The following GNL3L variants were observed in gnomAD, a reference collection of about 807,000 sequenced individuals.
The protein encoded by GNL3L is G protein nucleolar 3 like.
Under a neutral mutation model 42.9 loss-of-function variants are expected in GNL3L, and 4 were observed. The observed-to-expected ratio is 0.09, with a 90% CI of 0.05 to 0.21. The LOEUF (loss-of-function observed/expected upper bound fraction) is 0.21, where lower values mean the gene tolerates loss of function less well. Ranked by LOEUF, GNL3L falls within the 10% of genes least tolerant of loss-of-function variation. The pLI, the probability that GNL3L is intolerant of heterozygous loss-of-function variation, is 1.00. For synonymous variants in GNL3L, 159 were observed against 176.3 expected (o/e 0.90, Z 0.78); for missense variants, 412 against 481.7 (o/e 0.86, Z 1.36).
the GNL3L span, among the ~76,000 whole-genome samples, chrX:54,643,511 G>A: frequency 9.1e-6 from 1 of 109,973 alleles, no homozygotes; most frequent in African/African-American, 3.3e-5. Flanking sequence ...GGTTGTACAT[G>A]CCTATGGGTT....
chrX:54,542,896 C>G (rs1924666254), intron 5 of GNL3L, 59 bp from the exon 6 acceptor site: 2 of 710,849 alleles, frequency 2.8e-6, no homozygotes, highest in African/African-American at 2.1e-5. Flanking sequence ...AGCCCTGCTT[C>G]TCTTTCTCGC....
Position 54,540,261 on chromosome X carries a change from T to G in GNL3L, c.189+19T>G, listed in dbSNP as rs754037145. 7.7e-6 allele frequency: 8 copies of G among 1,038,940 alleles called. No individual in the cohort carries two copies. In the African/African-American group the frequency reaches 9.3e-5, roughly 12 times the overall value. The allele number at this position is 1,038,940 out of a possible 1,213,427, so 85.6% of individuals were successfully genotyped here. ...GAAGTGGGTAAGCTTTTTGCCTTGGTGGGGAGAGAGAGGGCCTGCCTTGAA... is the reference window on the plus strand; with the variant it reads ...GAAGTGGGTAAGCTTTTTGCCTTGGGGGGGAGAGAGAGGGCCTGCCTTGAA... On this transcript the variant is annotated intron_variant, in intron 4 of 15. Coordinates refer to ENST00000360845, the MANE Select transcript of GNL3L (RefSeq NM_001184819.2).
chrX:54,548,195 T>C (rs778439686), intron 8 of GNL3L, 34 bp from the exon 9 acceptor site: 2 of 1,176,013 alleles, frequency 1.7e-6, no homozygotes, highest in Non-Finnish European at 2.3e-6. Flanking sequence ...TGCCACCTGA[T>C]GTCTCTTCTG....
intron 14 of GNL3L, among the ~76,000 whole-genome samples, chrX:54,555,708 T>G (rs1925077104): frequency 1.1e-5 from 1 of 94,636 alleles, no homozygotes; most frequent in South Asian, 5.5e-4. Context: ...CTTGAGCTCC[T>G]GACCTCAGGT....
intron 9 of GNL3L, among the ~76,000 whole-genome samples, chrX:54,549,600 G>A (rs991259059): frequency 6.2e-5 from 7 of 112,459 alleles, no homozygotes; most frequent in Non-Finnish European, 1.3e-4. Context: ...TCGGGAGGCC[G>A]AGGCAGGAGA....
rs567172499 is a variant in GNL3L, at chrX:54,564,402, C to CTTTTTTTTTTTTTT, written c.*3807_*3820dup. Among the ~76,000 whole-genome samples the CTTTTTTTTTTTTTT allele has an allele frequency of 5.6e-4, 45 of 80,791 alleles. No individual in the cohort carries two copies. Among genetic ancestry groups the CTTTTTTTTTTTTTT allele is most frequent in the African/African-American group, 2.2e-3 (45 of 20,074 alleles). 70.2% of individuals were successfully genotyped at this position (80,791 alleles called of 115,157 possible). ...AGTCACTGGTTTTTTTCTTCGTTCTCTTTTTTTTTTTTTTTTTTTTGAGAC... is the reference window on the plus strand; with the variant it reads ...AGTCACTGGTTTTTTTCTTCGTTCTCTTTTTTTTTTTTTTTTTTTTTTTTTTTTTTTTTTGAGAC... On this transcript the variant is annotated 3_prime_UTR_variant, in exon 16 of 16. Coordinates refer to ENST00000360845, the MANE Select transcript of GNL3L (RefSeq NM_001184819.2).
At chrX:54,554,062 G>A (rs753507994) in intron 13 of GNL3L, among the ~76,000 whole-genome samples, 1 of 111,090 alleles carries the variant, frequency 9.0e-6, no homozygotes, top group African/African-American at 3.3e-5. Context: ...ATCTTGAAGG[G>A]TGAGTAGGGA....
chrX:54,616,582 T>C (rs188452089), intron 16 of GNL3L, among the ~76,000 whole-genome samples: 110 of 112,085 alleles, frequency 9.8e-4, no homozygotes, highest in Non-Finnish European at 1.6e-3. Flanking sequence ...TTTTAGTTTT[T>C]TCCCCCCCTG....
chrX:54,542,906 C>T (rs1569542014), intron 5 of GNL3L, 49 bp from the exon 6 acceptor site: 5 of 791,526 alleles, frequency 6.3e-6, no homozygotes, highest in African/African-American at 4.1e-5. Flanking sequence ...CTCTTTCTCG[C>T]TCTCTCCCCC....
chrX:54,580,219 A>C (rs1222601930), intron 16 of GNL3L, among the ~76,000 whole-genome samples: 4 of 88,643 alleles, frequency 4.5e-5, no homozygotes, highest in African/African-American at 1.8e-4. Flanking sequence ...TCATTGTTCA[A>C]TTCCCACCTA....
chrX:54,644,561 A>C, the GNL3L span, among the ~76,000 whole-genome samples: 2 of 112,058 alleles, frequency 1.8e-5, no homozygotes, highest in Non-Finnish European at 3.8e-5. Flanking sequence ...ACCTTTATCA[A>C]ATATGGAGTT....
At position 54,551,646 on chromosome X, in the gene GNL3L, G is replaced by T. The variant is rs756340669; in HGVS notation, c.942G>T (p.Glu314Asp). Reference sequence around the variant, plus strand: ...GCATTGTCCCAGGGCCCAACTCAGAGGTGGGCACCATCCTGCGTAACTGCG... The same window carrying T: ...GCATTGTCCCAGGGCCCAACTCAGATGTGGGCACCATCCTGCGTAACTGCG... The part of the protein sequence containing the change: ...APGIVPGPNS[E>D]VGTILRNCVH... The change falls in exon 11 of 16, where the codon GAG (glutamate) becomes GAT (aspartate). Residue 314 changes from glutamate (E) to aspartate (D), a missense_variant. By Grantham distance (45) the Glu-to-Asp change is conservative (BLOSUM62 2). Transcript: ENST00000360845. 8.3e-7 allele frequency: 1 copy of T among 1,210,675 alleles called. No individual in the cohort carries two copies. The highest frequency in any genetic ancestry group is 1.1e-6 in the Non-Finnish European group (1 of 894,350).
intron 16 of GNL3L, among the ~76,000 whole-genome samples, chrX:54,618,631 T>A (rs1225717199): frequency 9.0e-6 from 1 of 111,466 alleles, no homozygotes; most frequent in African/African-American, 3.3e-5. Flanking sequence ...GCATGGTGGC[T>A]CATACCTGTA....
At position 54,601,886 on chromosome X, in the gene GNL3L, A is replaced by T. The variant is rs183612212; in HGVS notation, c.*46-18959A>T. On this transcript the variant is annotated intron_variant, in intron 16 of 16. Coordinates refer to the GNL3L transcript ENST00000674498. ...GTTTATTCAGTGTAGTGCCTTTGAGATTCATTGAAGTTGGTTTGTGTATCA... is the reference window on the plus strand; with the variant it reads ...GTTTATTCAGTGTAGTGCCTTTGAGTTTCATTGAAGTTGGTTTGTGTATCA... Among the ~76,000 whole-genome samples, 316 of 112,184 alleles carry T rather than the reference A, an allele frequency of 2.8e-3. 1 individual carries two copies. Among genetic ancestry groups the T allele is most frequent in the African/African-American group, 9.7e-3 (300 of 30,967 alleles).
Position 54,566,067 on chromosome X carries a change from C to G in GNL3L, c.*5465C>G, listed in dbSNP as rs185166202. On this transcript the variant is annotated 3_prime_UTR_variant, in exon 16 of 16. Coordinates refer to ENST00000360845, the MANE Select transcript of GNL3L (RefSeq NM_001184819.2). ...AACTCTGGACCTCAAGTGATACACC[C>G]GTCTTAGCCTCCCAAAGTTCTGGGA... Among the ~76,000 whole-genome samples, 1 of 110,994 alleles carries G rather than the reference C, an allele frequency of 9.0e-6. No homozygotes were observed. Among genetic ancestry groups the G allele is most frequent in the African/African-American group, 3.3e-5 (1 of 30,524 alleles).
chrX:54,531,426 GT>G (rs1382166665), intron 1 of GNL3L, among the ~76,000 whole-genome samples: 1 of 111,114 alleles, frequency 9.0e-6, no homozygotes, highest in East Asian at 2.9e-4. Context: ...GCTCAGATCT[GT>G]TTCTCTCCAC....
At chrX:54,575,728 C>A (rs1224986699) in intron 16 of GNL3L, among the ~76,000 whole-genome samples, 6 of 108,904 alleles carry the variant, frequency 5.5e-5, no homozygotes, top group African/African-American at 1.3e-4. Flanking sequence ...AGCAAGACTC[C>A]GTCTCAAAAA....
At chrX:54,607,068 CTTTCTCTTTCTTTCTTCT>C (rs1569542622) in intron 16 of GNL3L, among the ~76,000 whole-genome samples, 11 of 36,027 alleles carry the variant, frequency 3.1e-4, no homozygotes, top group South Asian at 1.2e-3. Flanking sequence ...TTCTTTCTTT[CTTTCTCTTTCTTTCTTCT>C]TTCTTTCTTT....
At chrX:54,543,080 A>T (rs763262088) in intron 6 of GNL3L, 42 bp downstream of exon 6, 1 of 1,081,544 alleles carries the variant, frequency 9.2e-7, no homozygotes, top group East Asian at 3.0e-5. Flanking sequence ...GGAGGGTTCC[A>T]GTCCAGCCCC....
Sources: allele counts gnomAD v4.1 joint callset (sites outside exome capture counted in the v4.1 genomes callset), GRCh38; gene constraint gnomAD v4.1.1; transcripts MANE v1.5; gene names NCBI Gene and HGNC (gene_info 2026-07-23, HGNC 2026-07-21).